Variants in BCAT1 observed in about 807,000 individuals in gnomAD.
The protein encoded by BCAT1 is branched chain amino acid transaminase 1.
In BCAT1, 48 loss-of-function variants were observed where a neutral mutation model predicts 52.4. The observed-to-expected ratio is 0.92, with a 90% CI of 0.73 to 1.16. The LOEUF is 1.16. BCAT1 is among the 50% of genes most tolerant of loss of function. BCAT1 has a pLI of 0.00. For synonymous variants in BCAT1, 167 were observed against 161.3 expected, an observed-to-expected ratio of 1.04 and a Z score of -0.27; for missense variants, 451 against 457.1, an observed-to-expected ratio of 0.99 and a Z score of 0.12.
intron 1 of BCAT1, among the ~76,000 whole-genome samples, chr12:24,912,124 T>A (rs1943336582): frequency 6.6e-6 from 1 of 152,190 alleles, no homozygotes; most frequent in Non-Finnish European, 1.5e-5. Flanking sequence ...AGGATTTAAG[T>A]TTTATTAATG....
chr12:24,902,279 T>C (rs1184676361), intron 1 of BCAT1: 1 of 1,326,686 alleles, frequency 7.5e-7, no homozygotes, highest in Non-Finnish European at 9.6e-7. Context: ...GCGCTCAGCC[T>C]CGTGGTCTTG....
At position 24,849,097 on chromosome 12, in the gene BCAT1, A is replaced by C. The variant is rs76265659; in HGVS notation, c.674+689T>G. 7.4e-3 allele frequency among the ~76,000 whole-genome samples: 1,131 copies of C among 152,350 alleles called. 9 individuals are homozygous for C. The highest frequency in any genetic ancestry group is 0.026 in the African/African-American group (1,095 of 41,580). On this transcript the variant is annotated intron_variant, in intron 6 of 10. Transcript: ENST00000261192. ...GTATGCAAACAGCACCATTTGATAC[A>C]TGCAAAGCAAGAACCCATGCTGCTT...
intron 1 of BCAT1, among the ~76,000 whole-genome samples, chr12:24,922,146 C>G (rs1943507649): frequency 6.6e-6 from 1 of 152,182 alleles, no homozygotes; most frequent in Admixed American, 6.5e-5. Context: ...AGCACACACG[C>G]AAACACAAGA....
intron 1 of BCAT1, among the ~76,000 whole-genome samples, chr12:24,912,364 A>C (rs969421018): frequency 6.6e-6 from 1 of 151,960 alleles, no homozygotes; most frequent in Non-Finnish European, 1.5e-5. Context: ...AAAGAAATAC[A>C]AAAAAATTAG....
intron 1 of BCAT1, 138 bp from the exon 2 acceptor site, chr12:24,902,023 C>A (rs970460214): frequency 6.4e-7 from 1 of 1,572,980 alleles, no homozygotes; most frequent in African/African-American, 1.3e-5. Flanking sequence ...GCTCAGACAA[C>A]CAAGCACCCA....
At chr12:24,862,492 C>G (rs1369040978) in intron 5 of BCAT1, among the ~76,000 whole-genome samples, 1 of 152,206 alleles carries the variant, frequency 6.6e-6, no homozygotes, top group Non-Finnish European at 1.5e-5. Context: ...ACACAGAGGG[C>G]TTTCGTGTCC....
chr12:24,837,076 AGAGG>A (rs1336870135), intron 7 of BCAT1, among the ~76,000 whole-genome samples: 22 of 79,202 alleles, frequency 2.8e-4, no homozygotes, highest in African/African-American at 6.6e-4. Context: ...AAAGAAAGAG[AGAGG>A]GAGGGAGGGA....
rs4031153 is a variant in BCAT1, at chr12:24,943,493, G to GAAAAAAAA, written c.6+5426_6+5433dup. Among the ~76,000 whole-genome samples the GAAAAAAAA allele has an allele frequency of 1.0e-4, 6 of 58,546 alleles. No homozygotes were observed. In the East Asian group the frequency reaches 2.4e-3, roughly 24 times the overall value. The allele number at this position is 58,546 out of a possible 152,430, so 38.4% of individuals were successfully genotyped here. A position where few individuals can be genotyped will look rare whatever the true frequency, so the allele number is the denominator to read the frequency against. On this transcript the variant is annotated intron_variant, in intron 1 of 10. Transcript: ENST00000261192. ...AGGTGACAGAATGAGACCCTATCTG[G>GAAAAAAAA]AAAAAAAAAAAAAAAAAAAAAAAAA...
intron 6 of BCAT1, among the ~76,000 whole-genome samples, chr12:24,843,076 A>G (rs1941221517): frequency 6.6e-6 from 1 of 152,210 alleles, no homozygotes; most frequent in African/African-American, 2.4e-5. Flanking sequence ...GTACTGCCGT[A>G]AGACAGTCAG....
intron 5 of BCAT1, among the ~76,000 whole-genome samples, chr12:24,867,140 G>A (rs769991709): frequency 1.3e-5 from 2 of 151,934 alleles, no homozygotes; most frequent in Non-Finnish European, 1.5e-5. Context: ...TCACTCCTGA[G>A]CCAACGAGAC....
intron 5 of BCAT1, among the ~76,000 whole-genome samples, chr12:24,869,794 A>G (rs1447011078): frequency 1.3e-5 from 2 of 152,230 alleles, no homozygotes; most frequent in Non-Finnish European, 2.9e-5. Context: ...AAGGCTTTCC[A>G]TTGAACCCAT....
intron 5 of BCAT1, among the ~76,000 whole-genome samples, chr12:24,850,794 G>C (rs1437129752): frequency 1.3e-5 from 2 of 152,190 alleles, no homozygotes; most frequent in African/African-American, 4.8e-5. Context: ...CCATGTGGCT[G>C]CACTGAAGTC....
At position 24,842,233 on chromosome 12, in the gene BCAT1, A is replaced by G. The variant is rs376712778; in HGVS notation, c.675-9T>C. On this transcript the variant is annotated splice_polypyrimidine_tract_variant and intron_variant, in intron 6 of 10. Transcript: ENST00000261192. ...GAGATGAGCCGTAATTCCTTTAAGAAAGAGAAAATACACAGGTTACAAACA... is the reference window on the plus strand; with the variant it reads ...GAGATGAGCCGTAATTCCTTTAAGAGAGAGAAAATACACAGGTTACAAACA... 7.4e-6 allele frequency: 12 copies of G among 1,612,736 alleles called. No homozygotes were observed. In the African/African-American group the frequency reaches 1.6e-4, roughly 22 times the overall value.
At chr12:24,845,331 T>C (rs867685375) in intron 6 of BCAT1, among the ~76,000 whole-genome samples, 1 of 151,238 alleles carries the variant, frequency 6.6e-6, no homozygotes, top group African/African-American at 2.4e-5. Flanking sequence ...GGTATACAGA[T>C]AGGAAGCTAT....
intron 6 of BCAT1, among the ~76,000 whole-genome samples, chr12:24,844,932 G>T (rs1481578662): frequency 2.2e-5 from 3 of 136,218 alleles, no homozygotes; most frequent in Non-Finnish European, 4.8e-5. Flanking sequence ...CCTTAAAAGG[G>T]CCAGGCACAG....
rs1189137658 is a variant in BCAT1 at position 24,813,046 on chromosome 12, CTTCT to C, written c.*4958_*4961del. On this transcript the variant is annotated 3_prime_UTR_variant, in exon 11 of 11. Coordinates refer to ENST00000261192, the MANE Select transcript of BCAT1 (RefSeq NM_005504.7). ...TTTGAAAGGGCACTTCAAATTTGTT[CTTCT>C]TTTTCTCCCCCATCACCCCCATTTC... is the stretch of plus-strand genomic sequence containing the variant. 2 of 151,904 alleles carry C rather than the reference CTTCT, an allele frequency of 1.3e-5. No individual in the cohort carries two copies. The highest frequency in any genetic ancestry group is 4.8e-5 in the African/African-American group (2 of 41,418). The allele number at this position is 151,904 out of a possible 1,614,324, so 9.4% of individuals were successfully genotyped here.
chr12:24,902,915 C>T (rs1273607286), intron 1 of BCAT1: 6 of 1,511,904 alleles, frequency 4.0e-6, no homozygotes, highest in African/African-American at 1.4e-5. Context: ...TCCAATCCTC[C>T]CCCCTTCCGC....
chr12:24,927,351 A>G (rs1268832185), intron 1 of BCAT1, among the ~76,000 whole-genome samples: 4 of 152,148 alleles, frequency 2.6e-5, no homozygotes, highest in Non-Finnish European at 5.9e-5. Context: ...TCAAGTTATA[A>G]GAGAGAAACA....
At chr12:24,887,061 T>TAAAAATAAAAAAAA (rs1207898454) in intron 3 of BCAT1, among the ~76,000 whole-genome samples, 3 of 7,590 alleles carry the variant, frequency 4.0e-4, no homozygotes, top group East Asian at 6.8e-3. Context: ...AGATGCTAGC[T>TAAAAATAAAAAAAA]AAAAAAAAAA....
Sources: allele counts gnomAD v4.1 joint callset (sites outside exome capture counted in the v4.1 genomes callset), GRCh38; gene constraint gnomAD v4.1.1; transcripts MANE v1.5; gene names NCBI Gene and HGNC (gene_info 2026-07-23, HGNC 2026-07-21).